Variants in TANGO6 observed in about 807,000 individuals in gnomAD.
TANGO6 encodes transport and Golgi organization protein 6 homolog.
In TANGO6, 90 loss-of-function variants were observed where a neutral mutation model predicts 114.2. That is an observed-to-expected ratio of 0.79 (90% CI 0.66 to 0.94). The LOEUF is 0.94. Among genes scored for constraint, TANGO6 ranks in the 40% least tolerant of loss-of-function variants. The pLI, the probability that TANGO6 is intolerant of heterozygous loss-of-function variation, is 0.00. For synonymous variants in TANGO6, 477 were observed against 509.8 expected (o/e 0.94, Z 0.87); for missense variants, 1,274 against 1,315.3 (o/e 0.97, Z 0.49).
intron 3 of TANGO6, among the ~76,000 whole-genome samples, chr16:68,866,459 T>C (rs1040608256): frequency 4.7e-5 from 7 of 149,642 alleles, no homozygotes; most frequent in African/African-American, 9.9e-5. Context: ...CCATCTCTAC[T>C]AAAAATACAA....
At chr16:69,050,378 G>A (rs1959928996) in intron 17 of TANGO6, among the ~76,000 whole-genome samples, 1 of 151,944 alleles carries the variant, frequency 6.6e-6, no homozygotes, top group African/African-American at 2.4e-5. Flanking sequence ...GGGTCTCATG[G>A]TCATCCTGGC....
chr16:68,957,695 A>G (rs1311944747), intron 14 of TANGO6, among the ~76,000 whole-genome samples: 1 of 151,904 alleles, frequency 6.6e-6, no homozygotes, highest in African/African-American at 2.4e-5. Context: ...CACCATGCCC[A>G]GCAAGCATAA....
At chr16:68,972,463 GT>G (rs1224208755) in intron 14 of TANGO6, among the ~76,000 whole-genome samples, 1 of 152,168 alleles carries the variant, frequency 6.6e-6, no homozygotes, top group Non-Finnish European at 1.5e-5. Context: ...TGAAAAATAA[GT>G]ATAGATTTCT....
chr16:68,919,393 T>C (rs1360526611), intron 12 of TANGO6, among the ~76,000 whole-genome samples, 174 bp downstream of exon 12: 1 of 152,222 alleles, frequency 6.6e-6, no homozygotes, highest in Non-Finnish European at 1.5e-5. Context: ...ACAAGAAAGT[T>C]GCACCATTTC....
intron 1 of TANGO6, among the ~76,000 whole-genome samples, chr16:68,858,484 A>G (rs1050630609): frequency 1.3e-5 from 2 of 152,080 alleles, no homozygotes; most frequent in African/African-American, 4.8e-5. Context: ...CATTTCACGT[A>G]TATTGTTTGG....
intron 12 of TANGO6, among the ~76,000 whole-genome samples, chr16:68,920,617 T>C (rs1164841208): frequency 1.3e-5 from 2 of 152,110 alleles, no homozygotes; most frequent in Non-Finnish European, 2.9e-5. Context: ...ATGAGTAGGA[T>C]ACCCTCTGGG....
intron 6 of TANGO6, 148 bp from the exon 7 acceptor site, chr16:68,880,400 G>C: frequency 2.1e-6 from 1 of 482,846 alleles, no homozygotes; most frequent in Non-Finnish European, 3.7e-6. Flanking sequence ...AAATGTGTAT[G>C]AATTGTGTAT....
chr16:69,041,178 G>A (rs1191577530), intron 17 of TANGO6, among the ~76,000 whole-genome samples: 1 of 152,094 alleles, frequency 6.6e-6, no homozygotes, highest in Non-Finnish European at 1.5e-5. Context: ...CAGGCTCGGT[G>A]GCTCATGCCT....
chr16:69,041,446 C>CA (rs112497627), intron 17 of TANGO6, among the ~76,000 whole-genome samples: 409 of 117,024 alleles, frequency 3.5e-3, no homozygotes, highest in Admixed American at 6.2e-3. Flanking sequence ...AATTCTGTCT[C>CA]AAAAAAAAAA....
chr16:68,933,519 C>T (rs1296989862), intron 14 of TANGO6, among the ~76,000 whole-genome samples: 1 of 152,194 alleles, frequency 6.6e-6, no homozygotes, highest in African/African-American at 2.4e-5. Flanking sequence ...TTCAGCGGGG[C>T]TTGGCTGGGC....
At chr16:68,874,849 T>C (rs964302953) in intron 4 of TANGO6, among the ~76,000 whole-genome samples, 8 of 151,446 alleles carry the variant, frequency 5.3e-5, no homozygotes, top group African/African-American at 1.9e-4. Context: ...ACTCGGGAGG[T>C]TGAGGCAAGA....
At position 68,900,464 on chromosome 16, in the gene TANGO6, G is replaced by A. The variant is rs1962767062; in HGVS notation, c.1408G>A (p.Val470Ile). ...VYVVGNEPLT[V>I]LMDSLLPVLG... ...CGTGGTTGGGAATGAACCTTTAACA[G>A]TTTTGATGGATTCCCTGCTTCCAGT... is the stretch of plus-strand genomic sequence containing the variant. The change falls in exon 8 of 18, where the codon GTT becomes ATT. Residue 470 changes from valine to isoleucine, a missense_variant. Transcript: ENST00000261778. 1 of 1,613,964 alleles carries A rather than the reference G, an allele frequency of 6.2e-7. No individual in the cohort carries two copies. Among genetic ancestry groups the A allele is most frequent in the African/African-American group, 1.3e-5 (1 of 75,038 alleles).
At chr16:69,068,855 A>T (rs957278385) in intron 17 of TANGO6, among the ~76,000 whole-genome samples, 1 of 152,110 alleles carries the variant, frequency 6.6e-6, no homozygotes, top group African/African-American at 2.4e-5. Flanking sequence ...CTGGGATTAC[A>T]GGTGCCCGCC....
intron 15 of TANGO6, among the ~76,000 whole-genome samples, chr16:69,013,366 T>C (rs896945954): frequency 2.6e-5 from 4 of 152,030 alleles, no homozygotes; most frequent in Admixed American, 1.3e-4. Context: ...ATCCAGCACT[T>C]TGGGAGGCCG....
intron 1 of TANGO6, among the ~76,000 whole-genome samples, chr16:68,851,826 T>C (rs1187134026): frequency 6.6e-6 from 1 of 152,208 alleles, no homozygotes; most frequent in Non-Finnish European, 1.5e-5. Flanking sequence ...TGCTACAGAA[T>C]GTGTTATAAA....
chr16:68,864,866 C>G (rs1164301292), intron 3 of TANGO6, among the ~76,000 whole-genome samples: 1 of 152,126 alleles, frequency 6.6e-6, no homozygotes, highest in Non-Finnish European at 1.5e-5. Context: ...ATGGGAGTTG[C>G]TTATGATGTG....
chr16:68,872,970 T>A (rs955280169), intron 4 of TANGO6, among the ~76,000 whole-genome samples: 4 of 151,978 alleles, frequency 2.6e-5, no homozygotes, highest in African/African-American at 9.7e-5. Flanking sequence ...CCCAAAGTGC[T>A]GGGATTACAG....
chr16:68,938,232 T>A (rs1404552124), intron 14 of TANGO6, among the ~76,000 whole-genome samples: 1 of 152,240 alleles, frequency 6.6e-6, no homozygotes, highest in Admixed American at 6.5e-5. Flanking sequence ...CTAATGGTCT[T>A]CCATATGTCT....
chr16:68,963,451 C>T (rs908654329), intron 14 of TANGO6, among the ~76,000 whole-genome samples: 7 of 152,166 alleles, frequency 4.6e-5, no homozygotes, highest in Admixed American at 3.3e-4. Context: ...GTTCCAATCC[C>T]CAGAGATTGC....
Sources: gnomAD v4.1 joint callset for allele counts (sites outside exome capture counted in the v4.1 genomes callset) on GRCh38, gnomAD v4.1.1 for gene constraint, MANE v1.5 for transcripts, NCBI Gene and HGNC (gene_info 2026-07-23, HGNC 2026-07-21) for gene names.